Variants in GALNT13 observed in about 807,000 individuals in gnomAD.
GALNT13 encodes the protein polypeptide N-acetylgalactosaminyltransferase 13, also known as UDP-GalNAc:polypeptide N-acetylgalactosaminyltransferase 13.
A neutral mutation model predicts 64.2 loss-of-function variants in GALNT13; 28 were observed. That is an observed-to-expected ratio of 0.44 (90% CI 0.32 to 0.60). GALNT13 has a LOEUF of 0.60. Ranked by LOEUF, GALNT13 falls within the 20% of genes least tolerant of loss-of-function variation. The probability of loss-of-function intolerance (pLI) is 0.05; values close to 1 mark genes in which losing one functional copy is unlikely to be tolerated. For synonymous variants in GALNT13, 214 were observed against 224.6 expected, an observed-to-expected ratio of 0.95 and a Z score of 0.42; for missense variants, 577 against 669.8, an observed-to-expected ratio of 0.86 and a Z score of 1.53.
chr2:154,019,714 A>G (rs1366184481), intron 3 of GALNT13, among the ~76,000 whole-genome samples: 1 of 147,822 alleles, frequency 6.8e-6, no homozygotes, highest in East Asian at 2.0e-4. Flanking sequence ...TTTTCATTTT[A>G]TTATACTTTA....
chr2:153,196,003 T>A, the GALNT13 span, among the ~76,000 whole-genome samples: 24 of 152,164 alleles, frequency 1.6e-4, no homozygotes, highest in Non-Finnish European at 3.1e-4. Context: ...TGCAGCTGGC[T>A]ATCCTGTCAT....
chr2:153,968,868 TGTATAC>T (rs1693552905), intron 3 of GALNT13, among the ~76,000 whole-genome samples: 2 of 152,234 alleles, frequency 1.3e-5, no homozygotes, highest in South Asian at 2.1e-4. Flanking sequence ...CATCAGTATG[TGTATAC>T]ATATCTCACC....
the GALNT13 span, among the ~76,000 whole-genome samples, chr2:153,600,538 A>T: frequency 6.6e-6 from 1 of 151,692 alleles, no homozygotes; most frequent in Non-Finnish European, 1.5e-5. Context: ...CTTATGCAAG[A>T]GTTCATTTTC....
chr2:153,934,991 C>A (rs939512046), intron 2 of GALNT13, among the ~76,000 whole-genome samples: 1 of 152,078 alleles, frequency 6.6e-6, no homozygotes, highest in African/African-American at 2.4e-5. Context: ...CCATTGAACA[C>A]CCTAAATAAT....
At chr2:153,434,064 G>A in the GALNT13 span, among the ~76,000 whole-genome samples, 1 of 152,094 alleles carries the variant, frequency 6.6e-6, no homozygotes, top group African/African-American at 2.4e-5. Context: ...CCACCTATGA[G>A]TGAGAACATG....
intron 3 of GALNT13, among the ~76,000 whole-genome samples, chr2:154,070,767 A>G (rs1700698084): frequency 6.6e-6 from 1 of 151,940 alleles, no homozygotes; most frequent in Admixed American, 6.6e-5. Context: ...ACAGTACAAA[A>G]TTAGCTGGGT....
chr2:153,937,709 G>C (rs934798581), intron 2 of GALNT13, among the ~76,000 whole-genome samples: 3 of 152,314 alleles, frequency 2.0e-5, no homozygotes, highest in Middle Eastern at 6.8e-3. Context: ...AGTTGTAGTG[G>C]TGGAATTGGT....
chr2:153,437,616 A>G, the GALNT13 span, among the ~76,000 whole-genome samples: 1 of 152,154 alleles, frequency 6.6e-6, no homozygotes, highest in South Asian at 2.1e-4. Context: ...TTGCTGGTTT[A>G]AAGTCTGTTT....
chr2:153,299,997 C>A, the GALNT13 span, among the ~76,000 whole-genome samples: 1 of 152,088 alleles, frequency 6.6e-6, no homozygotes, highest in Non-Finnish European at 1.5e-5. Flanking sequence ...CAAATTGAGG[C>A]AATATTCTGA....
At chr2:153,714,982 T>G in the GALNT13 span, among the ~76,000 whole-genome samples, 1 of 152,224 alleles carries the variant, frequency 6.6e-6, no homozygotes, top group Non-Finnish European at 1.5e-5. Flanking sequence ...AATCTTTTTC[T>G]TTAGTTTATC....
chr2:153,643,200 T>C, the GALNT13 span, among the ~76,000 whole-genome samples: 1 of 151,262 alleles, frequency 6.6e-6, no homozygotes, highest in South Asian at 2.1e-4. Context: ...TAAAGTGAAT[T>C]CACAAAGAAA....
chr2:153,390,314 G>A, the GALNT13 span, among the ~76,000 whole-genome samples: 1 of 152,086 alleles, frequency 6.6e-6, no homozygotes, highest in Non-Finnish European at 1.5e-5. Context: ...CCTGTCGGGA[G>A]GTGGGGGGCT....
At chr2:153,998,169 T>C (rs1038447669) in intron 3 of GALNT13, among the ~76,000 whole-genome samples, 3 of 152,148 alleles carry the variant, frequency 2.0e-5, no homozygotes, top group Non-Finnish European at 4.4e-5. Context: ...AGTAATGGGA[T>C]TGCTGGGTCA....
chr2:153,215,141 G>T, the GALNT13 span, among the ~76,000 whole-genome samples: 1 of 151,954 alleles, frequency 6.6e-6, no homozygotes, highest in Non-Finnish European at 1.5e-5. Flanking sequence ...ATAATTAATT[G>T]ATTCATATAA....
chr2:153,987,087 C>G (rs1183730601), intron 3 of GALNT13, among the ~76,000 whole-genome samples: 4 of 151,738 alleles, frequency 2.6e-5, no homozygotes, highest in African/African-American at 7.3e-5. Flanking sequence ...ATTCGAATGC[C>G]TAGAGTTGAT....
chr2:153,351,935 T>C, the GALNT13 span, among the ~76,000 whole-genome samples: 1 of 152,208 alleles, frequency 6.6e-6, no homozygotes, highest in East Asian at 1.9e-4. Flanking sequence ...TGCAAGTTTT[T>C]GTGTGGACAT....
chr2:154,232,736 G>A (rs942851433), intron 4 of GALNT13, among the ~76,000 whole-genome samples: 2 of 151,910 alleles, frequency 1.3e-5, no homozygotes, highest in African/African-American at 4.8e-5. Context: ...TCAAGTGGGA[G>A]CAATAGTATA....
chr2:154,190,846 C>T (rs192214901), intron 4 of GALNT13, among the ~76,000 whole-genome samples: 3 of 152,164 alleles, frequency 2.0e-5, no homozygotes, highest in East Asian at 3.9e-4. Flanking sequence ...TTAATTTATC[C>T]AATATATCAA....
At chr2:153,739,332 CT>C in the GALNT13 span, among the ~76,000 whole-genome samples, 6 of 151,310 alleles carry the variant, frequency 4.0e-5, no homozygotes, top group Admixed American at 4.0e-4. Context: ...TTAACAACTG[CT>C]TTTTTTGTAT....
Sources: gnomAD v4.1 joint callset for allele counts (sites outside exome capture counted in the v4.1 genomes callset) on GRCh38, gnomAD v4.1.1 for gene constraint, MANE v1.5 for transcripts, NCBI Gene and HGNC (gene_info 2026-07-23, HGNC 2026-07-21) for gene names.